Variants in STIMATE observed in about 807,000 individuals in gnomAD.
STIMATE encodes STIM activating enhancer, also known as store-operated calcium entry regulator STIMATE.
In STIMATE, 15 loss-of-function variants were observed where a neutral mutation model predicts 36.7. The ratio of observed to expected loss-of-function variants is 0.41; its 90% CI spans 0.27 to 0.63. STIMATE has a LOEUF of 0.63. Ranked by LOEUF, STIMATE falls within the 20% of genes least tolerant of loss-of-function variation. The pLI is 0.32. For missense variants in STIMATE, 305 were observed against 397.3 expected (o/e 0.77, Z 1.98); for synonymous variants, 163 against 162.3 (o/e 1.00, Z -0.03).
chr3:52,854,472 C>A (rs1040481953), intron 2 of STIMATE, among the ~76,000 whole-genome samples: 10 of 152,228 alleles, frequency 6.6e-5, no homozygotes, highest in African/African-American at 2.4e-4. Context: ...TGGAGCGCTT[C>A]CGGGCTGGTG....
At chr3:52,848,825 G>A (rs1003373676) in intron 4 of STIMATE, among the ~76,000 whole-genome samples, 3 of 152,234 alleles carry the variant, frequency 2.0e-5, no homozygotes. Context: ...GGCACAAGCT[G>A]TGTGTTGGAC....
chr3:52,849,038 C>A (rs1200774889), intron 4 of STIMATE, among the ~76,000 whole-genome samples: 2 of 152,226 alleles, frequency 1.3e-5, no homozygotes, highest in Non-Finnish European at 2.9e-5. Context: ...AAGTGAGTGG[C>A]CCTTGAGCCC....
chr3:52,840,351 G>T lies in STIMATE; in HGVS notation c.*143C>A. 1.0e-6 allele frequency: 1 copy of T among 958,696 alleles called. No individual in the cohort carries two copies. The highest frequency in any genetic ancestry group is 1.5e-6 in the Non-Finnish European group (1 of 651,180). The allele number at this position is 958,696 out of a possible 1,614,324, so 59.4% of individuals were successfully genotyped here. A position where few individuals can be genotyped will look rare whatever the true frequency, so the allele number is the denominator to read the frequency against. On this transcript the variant is annotated 3_prime_UTR_variant, in exon 8 of 8. Coordinates refer to ENST00000355083, the MANE Select transcript of STIMATE (RefSeq NM_198563.5). ...TCTTTTTAAGTCACAGTAGTCTGGG[G>T]GCAGGCGAGAGCGGGCAGAGACAGC...
chr3:52,897,231 G>C (rs970685247), intron 1 of STIMATE, 60 bp downstream of exon 1: 3 of 1,514,896 alleles, frequency 2.0e-6, no homozygotes, highest in African/African-American at 2.9e-5. Flanking sequence ...GGGCCCCCAG[G>C]GGGGCCGGGC....
At chr3:52,847,446 G>C (rs1700926576) in intron 4 of STIMATE, 1 of 1,288,308 alleles carries the variant, frequency 7.8e-7, no homozygotes, top group Non-Finnish European at 1.0e-6. Flanking sequence ...CTGGTAATCA[G>C]AGTGCAGACA....
At chr3:52,845,787 C>G (rs1700885207) in intron 4 of STIMATE, among the ~76,000 whole-genome samples, 1 of 152,066 alleles carries the variant, frequency 6.6e-6, no homozygotes, top group Non-Finnish European at 1.5e-5. Flanking sequence ...TAGGGTGGCT[C>G]CTGGGAGCCA....
At chr3:52,861,519 C>T (rs1701214705) in intron 1 of STIMATE, among the ~76,000 whole-genome samples, 1 of 152,192 alleles carries the variant, frequency 6.6e-6, no homozygotes, top group African/African-American at 2.4e-5. Context: ...TACTATCTAG[C>T]TATGTGACTT....
At chr3:52,843,430 C>T (rs1344135890) in intron 6 of STIMATE, among the ~76,000 whole-genome samples, 2 of 152,122 alleles carry the variant, frequency 1.3e-5, no homozygotes. Context: ...CAATCCTGAA[C>T]TAGAGGCTGG....
At chr3:52,894,406 C>T (rs191035231) in intron 1 of STIMATE, among the ~76,000 whole-genome samples, 1 of 152,240 alleles carries the variant, frequency 6.6e-6, no homozygotes, top group East Asian at 1.9e-4. Flanking sequence ...ACTGCCTGGA[C>T]CAAGAGGGTC....
chr3:52,871,824 T>C (rs542618469), intron 1 of STIMATE, among the ~76,000 whole-genome samples: 2 of 152,246 alleles, frequency 1.3e-5, no homozygotes, highest in South Asian at 4.1e-4. Flanking sequence ...CTCCATAAAA[T>C]TGAAACACAC....
chr3:52,879,638 T>A (rs1434855127), intron 1 of STIMATE, among the ~76,000 whole-genome samples: 7 of 152,164 alleles, frequency 4.6e-5, no homozygotes, highest in African/African-American at 1.7e-4. Flanking sequence ...ATTCCTCAAC[T>A]CCCAATGCTC....
At chr3:52,850,486 T>C (rs1320332829) in intron 3 of STIMATE, among the ~76,000 whole-genome samples, 1 of 152,048 alleles carries the variant, frequency 6.6e-6, no homozygotes, top group Non-Finnish European at 1.5e-5. Flanking sequence ...GAAGGTTCAA[T>C]GGAAGACAGA....
intron 4 of STIMATE, chr3:52,847,670 T>C: frequency 1.4e-6 from 1 of 733,280 alleles, no homozygotes; most frequent in Non-Finnish European, 2.1e-6. Context: ...GGAGGTGGAA[T>C]AACAGCCCCA....
intron 1 of STIMATE, among the ~76,000 whole-genome samples, chr3:52,857,740 A>T (rs7620706): frequency 0.25 from 36,678 of 149,544 alleles, 4,800 homozygotes; most frequent in Admixed American, 0.38. Flanking sequence ...TATATAATAA[A>T]TCTTATAATT....
intron 1 of STIMATE, among the ~76,000 whole-genome samples, chr3:52,873,746 G>A (rs978234963): frequency 2.0e-5 from 3 of 152,152 alleles, no homozygotes; most frequent in Non-Finnish European, 2.9e-5. Context: ...GTTAGTGTAC[G>A]TTCTTCCTGA....
At chr3:52,889,197 C>T (rs1428019722) in intron 1 of STIMATE, among the ~76,000 whole-genome samples, 2 of 152,132 alleles carry the variant, frequency 1.3e-5, no homozygotes, top group Non-Finnish European at 2.9e-5. Context: ...ACTATCCTGC[C>T]GTAGTAGGTA....
chr3:52,870,876 T>G (rs1472042593), intron 1 of STIMATE, among the ~76,000 whole-genome samples: 1 of 151,870 alleles, frequency 6.6e-6, no homozygotes, highest in Non-Finnish European at 1.5e-5. Context: ...CTCCAAGTAA[T>G]TGTGTCCCCT....
chr3:52,837,174 C>T lies in STIMATE; in HGVS notation c.*3320G>A, dbSNP rs78939357. 2,397 of 153,752 alleles carry T rather than the reference C, an allele frequency of 0.016. 72 individuals carry two copies. Among genetic ancestry groups the T allele is most frequent in the African/African-American group, 0.055 (2,267 of 41,594 alleles). The allele number at this position is 153,752 out of a possible 1,614,324, so 9.5% of individuals were successfully genotyped here. A position where few individuals can be genotyped will look rare whatever the true frequency, so the allele number is the denominator to read the frequency against. On this transcript the variant is annotated 3_prime_UTR_variant, in exon 8 of 8. Transcript: ENST00000355083. Reference sequence around the variant, plus strand: ...TCTGGCCAGTGGGAAGCTCCTTGCACTGCCTATCTTAGCCTGGCTGCGAAA... The same window carrying T: ...TCTGGCCAGTGGGAAGCTCCTTGCATTGCCTATCTTAGCCTGGCTGCGAAA...
intron 1 of STIMATE, among the ~76,000 whole-genome samples, chr3:52,857,316 G>A (rs1276071284): frequency 1.3e-5 from 2 of 152,196 alleles, no homozygotes; most frequent in Non-Finnish European, 2.9e-5. Flanking sequence ...CAACGCCAGA[G>A]AATATGGAGT....
Sources: gnomAD v4.1 joint callset for allele counts (sites outside exome capture counted in the v4.1 genomes callset) on GRCh38, gnomAD v4.1.1 for gene constraint, MANE v1.5 for transcripts, NCBI Gene and HGNC (gene_info 2026-07-23, HGNC 2026-07-21) for gene names.